Variants in DDX42 observed in about 807,000 individuals in gnomAD.
DDX42 encodes the protein DEAD-box helicase 42, also known as ATP-dependent RNA helicase DDX42.
In DDX42, 22 loss-of-function variants were observed where a neutral mutation model predicts 101.5. The observed-to-expected ratio is 0.22, with a 90% CI of 0.15 to 0.31. The LOEUF is 0.31. Ranked by LOEUF, DDX42 falls within the 10% of genes least tolerant of loss-of-function variation. DDX42 has a pLI of 1.00. For synonymous variants in DDX42, 402 were observed against 401.2 expected (o/e 1.00, Z -0.02); for missense variants, 849 against 1,199.9 (o/e 0.71, Z 4.32).
At chr17:63,778,304 A>G (rs1269349349) in intron 1 of DDX42, among the ~76,000 whole-genome samples, 3 of 152,202 alleles carry the variant, frequency 2.0e-5, no homozygotes, top group Admixed American at 6.5e-5. Flanking sequence ...CTGGATGTAC[A>G]TCCACATTAC....
Position 63,818,509 on chromosome 17 carries a change from T to C in DDX42, c.*111T>C. The C allele has an allele frequency of 4.2e-6, 4 of 955,470 alleles. No homozygotes were observed. Among genetic ancestry groups the C allele is most frequent in the Non-Finnish European group, 4.6e-6 (3 of 658,802 alleles). 59.2% of individuals were successfully genotyped at this position (955,470 alleles called of 1,614,324 possible). A position where few individuals can be genotyped will look rare whatever the true frequency, so the allele number is the denominator to read the frequency against. On this transcript the variant is annotated 3_prime_UTR_variant, in exon 18 of 18. Coordinates refer to ENST00000389924, the MANE Select transcript of DDX42 (RefSeq NM_203499.3). ...CCAAAGTGTAAGGACCCCCTGCCCT[T>C]AGTGGAGAGCTGGAGCTTGGAGACA...
At chr17:63,817,163 C>G in intron 17 of DDX42, 197 bp downstream of exon 17, 2 of 541,082 alleles carry the variant, frequency 3.7e-6, no homozygotes, top group East Asian at 3.2e-5. Context: ...ACCCCTTGTG[C>G]TGGTCTACTT....
intron 2 of DDX42, among the ~76,000 whole-genome samples, chr17:63,789,087 T>C (rs932980229): frequency 2.7e-5 from 4 of 148,618 alleles, no homozygotes; most frequent in African/African-American, 1.0e-4. Context: ...TTCTTTTTTT[T>C]TTCTTTTTTG....
At position 63,819,087 on chromosome 17, in the gene DDX42, A is replaced by T. The variant is rs1290296281; in HGVS notation, c.*689A>T. ...AGATGGTATTGCTAAATTTAAAATT[A>T]AACAAGAAACCCAACAACAGCTTTT... On this transcript the variant is annotated 3_prime_UTR_variant, in exon 18 of 18. Coordinates refer to ENST00000389924, the MANE Select transcript of DDX42 (RefSeq NM_203499.3). 1 of 152,502 alleles carries T rather than the reference A, an allele frequency of 6.6e-6. No individual in the cohort carries two copies. Among genetic ancestry groups the T allele is most frequent in the Non-Finnish European group, 1.5e-5 (1 of 68,060 alleles). The allele number at this position is 152,502 out of a possible 1,614,324, so 9.4% of individuals were successfully genotyped here. A position where few individuals can be genotyped will look rare whatever the true frequency, so the allele number is the denominator to read the frequency against.
intron 4 of DDX42, 184 bp from the exon 5 acceptor site, chr17:63,799,405 A>T (rs571739389): frequency 2.1e-6 from 1 of 481,154 alleles, no homozygotes; most frequent in South Asian, 5.9e-5. Flanking sequence ...ACTGCAGATT[A>T]TAGAGTGCAG....
In DDX42 at chr17:63,811,148, G is replaced by A; in HGVS notation, c.1373G>A (p.Arg458Gln). The change falls in exon 13 of 18, where the codon CGA becomes CAA. Residue 458 changes from arginine (R) to glutamine (Q), a missense_variant. By Grantham distance (43) the Arg-to-Gln change is conservative. Around this residue, in one of 5 missense-constraint regions of DDX42, gnomAD observed 370 missense variants for 608.8 expected, o/e 0.61. Coordinates refer to ENST00000389924, the MANE Select transcript of DDX42 (RefSeq NM_203499.3). ...AGAGACATCCTGATCGACCCTATTC[G>A]AGTGGTGCAGGGAGATATTGGAGAG... is the stretch of plus-strand genomic sequence containing the variant. ...LARDILIDPI[R>Q]VVQGDIGEAN... The A allele has an allele frequency of 1.2e-6, 2 of 1,614,060 alleles. No homozygotes were observed. The highest frequency in any genetic ancestry group is 1.7e-6 in the Non-Finnish European group (2 of 1,180,014).
At position 63,815,576 on chromosome 17, in the gene DDX42, G is replaced by A. The variant is rs1478740421; in HGVS notation, c.1916G>A (p.Arg639Gln). 5.0e-6 allele frequency: 8 copies of A among 1,613,304 alleles called. No individual in the cohort carries two copies. Among genetic ancestry groups the A allele is most frequent in the African/African-American group, 1.3e-5 (1 of 74,844 alleles). The change falls in exon 16 of 18, where the codon CGG (arginine) becomes CAG (glutamine). Residue 639 changes from arginine (R) to glutamine (Q), a missense_variant. Transcript: ENST00000389924. Reference sequence around the variant, plus strand: ...TGTTCAATGCAGAATGCCTGGTTTCGGAAATCTCGATTCAAAGGAGGGAAA... The same window carrying A: ...TGTTCAATGCAGAATGCCTGGTTTCAGAAATCTCGATTCAAAGGAGGGAAA... ...LDLAMQNAWFRKSRFKGGKGK... is the reference protein window; with the variant it reads ...LDLAMQNAWFQKSRFKGGKGK...
intron 16 of DDX42, 23 bp from the exon 17 acceptor site, chr17:63,816,845 C>T (rs775075943): frequency 1.9e-6 from 3 of 1,594,732 alleles, no homozygotes; most frequent in South Asian, 2.2e-5. Context: ...TTTTCATTCT[C>T]ATAGATGTGT....
intron 16 of DDX42, 89 bp downstream of exon 16, chr17:63,815,762 T>G (rs1211158811): frequency 1.1e-6 from 1 of 883,576 alleles, no homozygotes; most frequent in Non-Finnish European, 1.7e-6. Flanking sequence ...CAGGAAAGCC[T>G]CAGTGAGTTT....
intron 16 of DDX42, 183 bp from the exon 17 acceptor site, chr17:63,816,685 G>A: frequency 2.3e-6 from 1 of 435,706 alleles, no homozygotes; most frequent in African/African-American, 2.0e-5. Flanking sequence ...TTTCTGGGTT[G>A]AGGGCATAAG....
intron 2 of DDX42, among the ~76,000 whole-genome samples, chr17:63,788,780 C>T (rs1233871894): frequency 6.6e-6 from 1 of 152,158 alleles, no homozygotes; most frequent in Non-Finnish European, 1.5e-5. Context: ...GGGTTGAGTT[C>T]TAATTTCTAT....
rs541673605 is a variant in DDX42, at chr17:63,811,226, T to A, written c.1398+53T>A. The A allele has an allele frequency of 3.9e-6, 5 of 1,288,498 alleles. No homozygotes were observed. In the East Asian group the frequency reaches 1.2e-4, roughly 31 times the overall value. The allele number at this position is 1,288,498 out of a possible 1,614,324, so 79.8% of individuals were successfully genotyped here. On this transcript the variant is annotated intron_variant, in intron 13 of 17. Coordinates refer to ENST00000389924, the MANE Select transcript of DDX42 (RefSeq NM_203499.3). Reference sequence around the variant, plus strand: ...CTTAATGGGTTTATTTCTCATATTATGGAACACAGAATTAATTTCTCACTA... The same window carrying A: ...CTTAATGGGTTTATTTCTCATATTAAGGAACACAGAATTAATTTCTCACTA...
At chr17:63,780,977 C>A (rs2039480984) in intron 1 of DDX42, among the ~76,000 whole-genome samples, 1 of 152,124 alleles carries the variant, frequency 6.6e-6, no homozygotes, top group East Asian at 1.9e-4. Context: ...CTGGTTTTTC[C>A]CCTTTAGCAT....
intron 3 of DDX42, 53 bp from the exon 4 acceptor site, chr17:63,797,985 T>C: frequency 6.5e-7 from 1 of 1,535,488 alleles, no homozygotes; most frequent in Non-Finnish European, 8.8e-7. Flanking sequence ...TAAAAATTGT[T>C]TCTTTCAGTG....
chr17:63,791,324 C>T (rs969495590), intron 2 of DDX42, among the ~76,000 whole-genome samples: 3 of 151,928 alleles, frequency 2.0e-5, no homozygotes, highest in African/African-American at 7.3e-5. Flanking sequence ...CTTTTTTCCT[C>T]GTTTTTTGAG....
chr17:63,782,258 G>A (rs927278689), intron 1 of DDX42, among the ~76,000 whole-genome samples: 2 of 152,174 alleles, frequency 1.3e-5, no homozygotes, highest in Admixed American at 6.5e-5. Context: ...AGCTCTGGGC[G>A]ACAGAGCAAG....
intron 1 of DDX42, among the ~76,000 whole-genome samples, 190 bp from the exon 2 acceptor site, chr17:63,786,844 A>G (rs2039553270): frequency 6.6e-6 from 1 of 151,788 alleles, no homozygotes; most frequent in Non-Finnish European, 1.5e-5. Context: ...CGCCCGGCCA[A>G]TTTTTGTATT....
At position 63,808,799 on chromosome 17, in the gene DDX42, ATAT is replaced by A. The variant is rs1413722390; in HGVS notation, c.1024-16_1024-14del. 1 of 1,612,828 alleles carries A rather than the reference ATAT, an allele frequency of 6.2e-7. No homozygotes were observed. Among genetic ancestry groups the A allele is most frequent in the Non-Finnish European group, 8.5e-7 (1 of 1,179,424 alleles). On this transcript the variant is annotated intron_variant, in intron 9 of 17. Coordinates refer to ENST00000389924, the MANE Select transcript of DDX42 (RefSeq NM_203499.3). The stretch of plus-strand genomic sequence containing the variant: ...TTTGTTAGTGTCACAGTTTGTTAAT[ATAT>A]TATTCACAACTTTGTAGATCCATGC...
chr17:63,815,611 C>T lies in DDX42; in HGVS notation c.1951C>T (p.Leu651=). 6.2e-7 allele frequency: 1 copy of T among 1,613,942 alleles called. No individual in the cohort carries two copies. The highest frequency in any genetic ancestry group is 8.5e-7 in the Non-Finnish European group (1 of 1,179,938). ...ATTCAAAGGAGGGAAAGGAAAAAAG[C>T]TGAACATTGGTGGAGGAGGCCTAGG... ...SRFKGGKGKK[L]NIGGGGLGYR... is the part of the protein sequence containing the mutation. The change falls in exon 16 of 18, where the codon CTG becomes TTG. Residue 651 remains leucine (L), a synonymous_variant. Transcript: ENST00000389924.
Sources: gnomAD v4.1 joint callset for allele counts (sites outside exome capture counted in the v4.1 genomes callset) on GRCh38, gnomAD v4.1.1 for gene constraint, gnomAD v4.1.1 regional missense constraint, MANE v1.5 for transcripts, NCBI Gene and HGNC (gene_info 2026-07-23, HGNC 2026-07-21) for gene names.